The following GALT variants were observed in gnomAD, a reference collection of about 807,000 sequenced individuals.
The protein encoded by GALT is galactose-1-phosphate uridylyltransferase, also known as UDP-glucose--hexose-1-phosphate uridylyltransferase.
Under a neutral mutation model 55.4 loss-of-function variants are expected in GALT, and 42 were observed. That is an observed-to-expected ratio of 0.76 (90% CI 0.59 to 0.98). GALT has a LOEUF of 0.98. Among genes scored for constraint, GALT ranks in the 50% least tolerant of loss-of-function variants. GALT has a pLI of 0.00. For missense variants in GALT, 407 were observed against 495.7 expected, an observed-to-expected ratio of 0.82 and a Z score of 1.70; for synonymous variants, 154 against 181.5, an observed-to-expected ratio of 0.85 and a Z score of 1.22.
rs142316401 is a variant in GALT, at chr9:34,650,121, A to C, written c.1060-248A>C. 7.3e-4 allele frequency: 359 copies of C among 494,584 alleles called. 7 individuals carry two copies. The East Asian group carries it at 0.013, about 17-fold the overall frequency. 30.6% of individuals were successfully genotyped at this position (494,584 alleles called of 1,614,324 possible). On this transcript the variant is annotated intron_variant, in intron 10 of 10. Coordinates refer to ENST00000378842, the MANE Select transcript of GALT (RefSeq NM_000155.4). Reference sequence around the variant, plus strand: ...ATAGGAAGCCCTCGTCTCTACAAAAAAAATTTAAAAAGTTAGCCAGGTATG... The same window carrying C: ...ATAGGAAGCCCTCGTCTCTACAAAACAAATTTAAAAAGTTAGCCAGGTATG...
At chr9:34,650,273 A>T in intron 10 of GALT, 96 bp from the exon 11 acceptor site, 3 of 617,550 alleles carry the variant, frequency 4.9e-6, no homozygotes, top group Non-Finnish European at 8.2e-6. Context: ...ACAGAGCAAG[A>T]CCTCGTCTCA....
rs746779221 is a variant in GALT, at chr9:34,647,044, G to A, written c.83-45G>A. On this transcript the variant is annotated intron_variant, in intron 1 of 10. Coordinates refer to ENST00000378842, the MANE Select transcript of GALT (RefSeq NM_000155.4). The surrounding 1 kb of genome is among the most constrained non-coding windows in gnomAD (Gnocchi z 5.6). ...CTGGTGGGTGAGACCCAGGAGAGAGGGAGCTAGAGAGCTCTGAGGACTGAT... is the reference window on the plus strand; with the variant it reads ...CTGGTGGGTGAGACCCAGGAGAGAGAGAGCTAGAGAGCTCTGAGGACTGAT... 11 of 1,613,528 alleles carry A rather than the reference G, an allele frequency of 6.8e-6. No homozygotes were observed. The South Asian group carries it at 1.2e-4, about 18-fold the overall frequency.
chr9:34,646,939 T>C, intron 1 of GALT, 150 bp from the exon 2 acceptor site: 1 of 1,605,400 alleles, frequency 6.2e-7, no homozygotes, highest in East Asian at 2.2e-5. Context: ...GCAGGCCAAT[T>C]GGCGCTGGGA....
chr9:34,650,675 A>G lies in GALT; in HGVS notation c.*226A>G. On this transcript the variant is annotated 3_prime_UTR_variant, in exon 11 of 11. Coordinates refer to ENST00000378842, the MANE Select transcript of GALT (RefSeq NM_000155.4). ...CTCCAGCTACAACTTTTCTTTGTCT[A>G]CAGATGTGTAAAATCTTGATGCAAA... The G allele has an allele frequency of 1.8e-6, 1 of 559,202 alleles. No homozygotes were observed. Among genetic ancestry groups the G allele is most frequent in the South Asian group, 2.2e-5 (1 of 44,936 alleles). 34.6% of individuals were successfully genotyped at this position (559,202 alleles called of 1,614,324 possible). A position where few individuals can be genotyped will look rare whatever the true frequency, so the allele number is the denominator to read the frequency against.
rs1352308228 is a variant in GALT at position 34,648,476 on chromosome 9, T to C, written c.687+20T>C. ...AGGAAGGTGGGAGAGAGCCAAGCCC[T>C]GTGTCCCCAAGGAGTCCCTAACTTT... is the stretch of plus-strand genomic sequence containing the variant. On this transcript the variant is annotated intron_variant, in intron 7 of 10. Coordinates refer to ENST00000378842, the MANE Select transcript of GALT (RefSeq NM_000155.4). This position sits in a 1 kb window ranked among gnomAD's most constrained non-coding sequence, Gnocchi z 4.9. The C allele has an allele frequency of 1.2e-6, 2 of 1,614,140 alleles. No individual in the cohort carries two copies. Among genetic ancestry groups the C allele is most frequent in the Non-Finnish European group, 1.7e-6 (2 of 1,180,026 alleles).
rs1564100830 is a variant in GALT at position 34,647,366 on chromosome 9, C to T, written c.252+108C>T. 1.3e-6 allele frequency: 2 copies of T among 1,587,766 alleles called. No individual in the cohort carries two copies. Among genetic ancestry groups the T allele is most frequent in the Non-Finnish European group, 8.6e-7 (1 of 1,156,996 alleles). On this transcript the variant is annotated intron_variant, in intron 2 of 10. Coordinates refer to ENST00000378842, the MANE Select transcript of GALT (RefSeq NM_000155.4). This position sits in a 1 kb window ranked among gnomAD's most constrained non-coding sequence, Gnocchi z 5.6. ...GTGAACCTCCTTCTGGGTCATATCC[C>T]ACCAAGCTTTTTGGTCCCCTAGGGT...
In GALT at chr9:34,647,818, C is replaced by A. The variant is rs1462099915; in HGVS notation, c.378-14C>A. ...CCCTACCTCTCGGTTATCTTTTCTC[C>A]CGTCACCACCCAGTAAGGTCATGTG... is the stretch of plus-strand genomic sequence containing the variant. On this transcript the variant is annotated splice_polypyrimidine_tract_variant and intron_variant, in intron 4 of 10. Transcript: ENST00000378842. The surrounding 1 kb of genome is among the most constrained non-coding windows in gnomAD (Gnocchi z 5.6). 7 of 1,614,138 alleles carry A rather than the reference C, an allele frequency of 4.3e-6. No homozygotes were observed. The highest frequency in any genetic ancestry group is 1.7e-5 in the Admixed American group (1 of 60,014).
Position 34,648,538 on chromosome 9 carries a change from A to G in GALT, c.687+82A>G. On this transcript the variant is annotated intron_variant, in intron 7 of 10. Coordinates refer to ENST00000378842, the MANE Select transcript of GALT (RefSeq NM_000155.4). This position sits in a 1 kb window ranked among gnomAD's most constrained non-coding sequence, Gnocchi z 4.9. ...AGAGAGGTGTGTAAAGGAGAAAGCT[A>G]GAGGTGAACTAGTAGAGAGAGACTT... 2 of 1,604,346 alleles carry G rather than the reference A, an allele frequency of 1.2e-6. No homozygotes were observed. Among genetic ancestry groups the G allele is most frequent in the South Asian group, 2.2e-5 (2 of 90,728 alleles).
rs369227288 is a variant in GALT at position 34,649,052 on chromosome 9, C to T, written c.875C>T (p.Thr292Met). 6.2e-6 allele frequency: 10 copies of T among 1,614,060 alleles called. No homozygotes were observed. The highest frequency in any genetic ancestry group is 2.2e-5 in the South Asian group (2 of 91,088). Residue 292 changes from threonine (T) to methionine (M), a missense_variant, in exon 9 of 11, where the codon ACG (threonine) becomes ATG (methionine). Coordinates refer to ENST00000378842, the MANE Select transcript of GALT (RefSeq NM_000155.4). ...ACCAAGTATGACAACCTCTTTGAGA[C>T]GTCCTTTCCCTACTCCATGGGCTGG... The part of the protein sequence containing the change: ...LLTKYDNLFE[T>M]SFPYSMGWHG...
In GALT at chr9:34,648,262, A is replaced by G. The variant is rs1821159880; in HGVS notation, c.565-72A>G. 1.2e-6 allele frequency: 2 copies of G among 1,613,620 alleles called. No homozygotes were observed. The highest frequency in any genetic ancestry group is 1.7e-6 in the Non-Finnish European group (2 of 1,180,020). On this transcript the variant is annotated intron_variant, in intron 6 of 10. Transcript: ENST00000378842. This position sits in a 1 kb window ranked among gnomAD's most constrained non-coding sequence, Gnocchi z 4.9. The stretch of plus-strand genomic sequence containing the variant: ...ACAGGATTAATGGATGGGACAGAGG[A>G]AATATGCCAATGATGTGGAGGCTTG...
rs767099109 is a variant in GALT at position 34,648,067 on chromosome 9, T to A, written c.508-48T>A. The A allele has an allele frequency of 2.5e-6, 4 of 1,614,026 alleles. No homozygotes were observed. The highest frequency in any genetic ancestry group is 3.4e-6 in the Non-Finnish European group (4 of 1,180,036). The stretch of plus-strand genomic sequence containing the variant: ...CCACAGGGTGTGGTCAGGAGGGAGT[T>A]GACTTGGTGTCTTTTGGCTAACAGA... On this transcript the variant is annotated intron_variant, in intron 5 of 10. Coordinates refer to ENST00000378842, the MANE Select transcript of GALT (RefSeq NM_000155.4). This position sits in a 1 kb window ranked among gnomAD's most constrained non-coding sequence, Gnocchi z 4.9.
chr9:34,648,632 A>T lies in GALT; in HGVS notation c.688-130A>T. On this transcript the variant is annotated intron_variant, in intron 7 of 10. Transcript: ENST00000378842. The surrounding 1 kb of genome is among the most constrained non-coding windows in gnomAD (Gnocchi z 4.9). ...GATGGTGACTTAGACTCGGGTGGTT[A>T]GTGGTAGAGGTGGTGAGAAGACATC... 6.7e-7 allele frequency: 1 copy of T among 1,483,424 alleles called. No homozygotes were observed. 91.9% of individuals were successfully genotyped at this position (1,483,424 alleles called of 1,614,324 possible).
Position 34,648,919 on chromosome 9 carries a change from G to A in GALT, c.820+25G>A. 6.2e-7 allele frequency: 1 copy of A among 1,613,708 alleles called. No individual in the cohort carries two copies. Among genetic ancestry groups the A allele is most frequent in the South Asian group, 1.1e-5 (1 of 91,074 alleles). On this transcript the variant is annotated intron_variant, in intron 8 of 10. Transcript: ENST00000378842. The surrounding 1 kb of genome is among the most constrained non-coding windows in gnomAD (Gnocchi z 4.9). ...GGTCAGTCTCCCAAGTAGGATCCTG[G>A]GGCTAGGCACTGGATGGAGGTTGCT... is the stretch of plus-strand genomic sequence containing the variant.
intron 9 of GALT, 111 bp from the exon 10 acceptor site, chr9:34,649,299 G>A: frequency 6.9e-7 from 1 of 1,449,026 alleles, no homozygotes; most frequent in Non-Finnish European, 9.6e-7. Context: ...CTCAAGCAGG[G>A]GATCCTGGGA....
chr9:34,647,429 G>A lies in GALT; in HGVS notation c.253-63G>A. On this transcript the variant is annotated intron_variant, in intron 2 of 10. Transcript: ENST00000378842. The surrounding 1 kb of genome is among the most constrained non-coding windows in gnomAD (Gnocchi z 5.6). ...CTCCCTTGTAGCCTGTCCAGTCTTT[G>A]AAGCCCACCAGGTAACTGGTGGTAT... The A allele has an allele frequency of 6.3e-7, 1 of 1,589,324 alleles. No individual in the cohort carries two copies. Among genetic ancestry groups the A allele is most frequent in the Non-Finnish European group, 8.6e-7 (1 of 1,157,580 alleles).
chr9:34,648,828 C>T lies in GALT; in HGVS notation c.754C>T (p.Gln252Ter). Residue 252 changes from glutamine to a stop codon, truncating the protein, a stop_gained, in exon 8 of 11, where the codon CAG (glutamine) becomes TAG (stop). Transcript: ENST00000378842. LOFTEE classifies it high-confidence loss of function. The surrounding 1 kb of genome is among the most constrained non-coding windows in gnomAD (Gnocchi z 4.9). ...LVPFWATWPY[Q>*]TLLLPRRHVR... ...CCCCTTCTGGGCAACATGGCCCTAC[C>T]AGACACTGCTGCTGCCCCGTCGGCA... is the stretch of plus-strand genomic sequence containing the variant. 1 of 1,613,544 alleles carries T rather than the reference C, an allele frequency of 6.2e-7. No individual in the cohort carries two copies. Among genetic ancestry groups the T allele is most frequent in the Non-Finnish European group, 8.5e-7 (1 of 1,180,012 alleles).
At position 34,648,543 on chromosome 9, in the gene GALT, T is replaced by G; in HGVS notation, c.687+87T>G. The G allele has an allele frequency of 1.9e-6, 3 of 1,600,524 alleles. No individual in the cohort carries two copies. The highest frequency in any genetic ancestry group is 1.7e-6 in the Non-Finnish European group (2 of 1,168,854). On this transcript the variant is annotated intron_variant, in intron 7 of 10. Transcript: ENST00000378842. The surrounding 1 kb of genome is among the most constrained non-coding windows in gnomAD (Gnocchi z 4.9). ...GGTGTGTAAAGGAGAAAGCTAGAGG[T>G]GAACTAGTAGAGAGAGACTTGCTAG... is the stretch of plus-strand genomic sequence containing the variant.
intron 9 of GALT, 158 bp from the exon 10 acceptor site, chr9:34,649,252 C>A: frequency 8.2e-7 from 1 of 1,220,398 alleles, no homozygotes; most frequent in Non-Finnish European, 1.2e-6. Flanking sequence ...GGTGAAACTA[C>A]ATCTCCAATG....
At position 34,648,997 on chromosome 9, in the gene GALT, G is replaced by A. The variant is rs750226076; in HGVS notation, c.821-1G>A. The A allele has an allele frequency of 1.9e-6, 3 of 1,614,104 alleles. No individual in the cohort carries two copies. Among genetic ancestry groups the A allele is most frequent in the Non-Finnish European group, 2.5e-6 (3 of 1,180,026 alleles). Reference sequence around the variant, plus strand: ...GGCTGAGAGTCAGGCTCTGATTCCAGATCTAGCCTCCATCATGAAGAAGCT... The same window carrying A: ...GGCTGAGAGTCAGGCTCTGATTCCAAATCTAGCCTCCATCATGAAGAAGCT... On this transcript the variant is annotated splice_acceptor_variant, in intron 8 of 10. Coordinates refer to ENST00000378842, the MANE Select transcript of GALT (RefSeq NM_000155.4). LOFTEE classifies it high-confidence loss of function. This position sits in a 1 kb window ranked among gnomAD's most constrained non-coding sequence, Gnocchi z 4.9.
Sources: allele counts gnomAD v4.1 joint callset, GRCh38; gene constraint gnomAD v4.1.1; non-coding constraint Gnocchi (gnomAD v3.1); transcripts MANE v1.5; gene names NCBI Gene and HGNC (gene_info 2026-07-23, HGNC 2026-07-21).